Variants in IWS1 observed in about 807,000 individuals in gnomAD.
The protein encoded by IWS1 is interacts with SUPT6H, CTD assembly factor 1.
Under a neutral mutation model 86.7 loss-of-function variants are expected in IWS1, and 27 were observed. The observed-to-expected ratio is 0.31, with a 90% CI of 0.23 to 0.43. The LOEUF is 0.43. Ranked by LOEUF, IWS1 falls within the 20% of genes least tolerant of loss-of-function variation. The probability of loss-of-function intolerance (pLI) is 1.00; values close to 1 mark genes in which losing one functional copy is unlikely to be tolerated. For missense variants in IWS1, 827 were observed against 1,000.8 expected, an observed-to-expected ratio of 0.83 and a Z score of 2.34; for synonymous variants, 313 against 335.1, an observed-to-expected ratio of 0.93 and a Z score of 0.72.
At chr2:127,502,565 C>T (rs1173929417) in intron 5 of IWS1, 4 of 299,668 alleles carry the variant, frequency 1.3e-5, no homozygotes, top group Non-Finnish European at 2.5e-5. Flanking sequence ...TGCCCTTTAG[C>T]ATTATAAAGT....
chr2:127,504,580 T>A, intron 3 of IWS1, 104 bp downstream of exon 3: 1 of 832,356 alleles, frequency 1.2e-6, no homozygotes, highest in East Asian at 2.4e-5. Context: ...TTAAGCTGAA[T>A]AACAGAACAC....
chr2:127,497,890 G>T (rs1275703727), intron 6 of IWS1, among the ~76,000 whole-genome samples: 3 of 152,062 alleles, frequency 2.0e-5, no homozygotes, highest in African/African-American at 7.2e-5. Flanking sequence ...GAGTTTACTT[G>T]GTGAGCCATA....
At chr2:127,490,773 C>T (rs1296970623) in intron 10 of IWS1, 7 of 152,210 alleles carry the variant, frequency 4.6e-5, no homozygotes, top group Non-Finnish European at 1.0e-4. Flanking sequence ...TTGCAAACTA[C>T]TGCATAAAAG....
At chr2:127,486,517 G>C in intron 13 of IWS1, 36 bp downstream of exon 13, 1 of 1,385,724 alleles carries the variant, frequency 7.2e-7, no homozygotes, top group Middle Eastern at 1.8e-4. Flanking sequence ...GTAATCTGCA[G>C]GTGAGATCCA....
At chr2:127,521,877 T>C (rs1047296731) in intron 2 of IWS1, among the ~76,000 whole-genome samples, 11 of 152,220 alleles carry the variant, frequency 7.2e-5, no homozygotes, top group African/African-American at 2.7e-4. Context: ...AACTTGTAAC[T>C]GCACCATGAG....
intron 2 of IWS1, among the ~76,000 whole-genome samples, chr2:127,508,068 G>A (rs959080776): frequency 2.0e-5 from 3 of 152,164 alleles, no homozygotes; most frequent in Non-Finnish European, 4.4e-5. Context: ...TTTTGGATAA[G>A]GGATACTCAA....
intron 13 of IWS1, among the ~76,000 whole-genome samples, chr2:127,483,928 G>A (rs1689794331): frequency 6.6e-6 from 1 of 151,780 alleles, no homozygotes; most frequent in African/African-American, 2.4e-5. Flanking sequence ...CTAGGACCAT[G>A]AATAATGTTT....
chr2:127,486,448 A>C (rs1404690040), intron 13 of IWS1, 105 bp downstream of exon 13: 1 of 813,166 alleles, frequency 1.2e-6, no homozygotes, highest in Non-Finnish European at 2.1e-6. Context: ...GTCCTCTCTG[A>C]ATCAGACAAA....
rs371757852 is a variant in IWS1, at chr2:127,505,255, A to G, written c.648T>C (p.Leu216=). 2.3e-5 allele frequency: 37 copies of G among 1,613,634 alleles called. No individual in the cohort carries two copies. The Admixed American group carries it at 4.0e-4, about 17-fold the overall frequency. ...PRMSDSESEE[L]PKPQVSDSES... is the part of the protein sequence containing the mutation. ...CTGAATCACTGACCTGAGGTTTAGG[A>G]AGCTCCTCACTTTCAGAATCACTCA... Residue 216 remains leucine (L), a synonymous_variant, in exon 3 of 14, where the codon CTT becomes CTC. Transcript: ENST00000295321. This position sits in a 1 kb window ranked among gnomAD's most constrained non-coding sequence, Gnocchi z 5.0.
At position 127,483,571 on chromosome 2, in the gene IWS1, C is replaced by CGGGGGG. The variant is rs1419283644; in HGVS notation, c.2329-2397_2329-2396insCCCCCC. Among the ~76,000 whole-genome samples, 17 of 20,164 alleles carry CGGGGGG rather than the reference C, an allele frequency of 8.4e-4. 2 individuals carry two copies. Among genetic ancestry groups the CGGGGGG allele is most frequent in the African/African-American group, 2.5e-3 (10 of 4,036 alleles). The allele number at this position is 20,164 out of a possible 152,430, so 13.2% of individuals were successfully genotyped here. A position where few individuals can be genotyped will look rare whatever the true frequency, so the allele number is the denominator to read the frequency against. On this transcript the variant is annotated intron_variant, in intron 13 of 13. Transcript: ENST00000295321. ...AAAATAACCAAAATTATAATTTGGT[C>CGGGGGG]GGGGCGGGGGGTGGTGGGGTGGGGG...
intron 2 of IWS1, among the ~76,000 whole-genome samples, chr2:127,519,629 G>A (rs1056661519): frequency 6.6e-6 from 1 of 152,064 alleles, no homozygotes; most frequent in African/African-American, 2.4e-5. Flanking sequence ...ACCATCTTAT[G>A]GTAGCAAAAT....
At chr2:127,494,671 T>G in intron 8 of IWS1, 1 of 378,996 alleles carries the variant, frequency 2.6e-6, no homozygotes, top group Non-Finnish European at 4.7e-6. Flanking sequence ...AGTATCAATT[T>G]TTTATTTGTT....
chr2:127,526,491 C>T, upstream of IWS1: 2 of 1,513,500 alleles, frequency 1.3e-6, no homozygotes. Flanking sequence ...ATGGCGTCTG[C>T]CCACGACCCT....
chr2:127,502,922 C>T (rs1320713978), intron 4 of IWS1, 50 bp from the exon 5 acceptor site: 15 of 1,009,452 alleles, frequency 1.5e-5, no homozygotes, highest in Non-Finnish European at 2.0e-5. Flanking sequence ...TCCTCATTTG[C>T]ATAGGAACCA....
intron 1 of IWS1, 115 bp from the exon 2 acceptor site, chr2:127,523,906 A>G (rs532593973): frequency 2.6e-4 from 177 of 690,552 alleles, no homozygotes; most frequent in Non-Finnish European, 4.0e-4. Context: ...CTGAGGAAGC[A>G]TTAACTAAAG....
chr2:127,523,952 T>C (rs1190507047), intron 1 of IWS1, among the ~76,000 whole-genome samples, 161 bp from the exon 2 acceptor site: 1 of 152,220 alleles, frequency 6.6e-6, no homozygotes, highest in African/African-American at 2.4e-5. Context: ...ACAATACTCA[T>C]ACAAACACCA....
At chr2:127,481,802 T>G (rs1689644698) in intron 13 of IWS1, among the ~76,000 whole-genome samples, 1 of 152,100 alleles carries the variant, frequency 6.6e-6, no homozygotes, top group Non-Finnish European at 1.5e-5. Context: ...GAGATAGTGA[T>G]GTCAGATCCA....
chr2:127,498,304 C>T, intron 5 of IWS1, 67 bp from the exon 6 acceptor site: 1 of 1,496,224 alleles, frequency 6.7e-7, no homozygotes, highest in Non-Finnish European at 9.0e-7. Flanking sequence ...TAATATTTTG[C>T]ATTTTTAAAG....
intron 10 of IWS1, among the ~76,000 whole-genome samples, chr2:127,491,477 C>G (rs1320512286): frequency 1.3e-5 from 2 of 151,270 alleles, no homozygotes; most frequent in Non-Finnish European, 2.9e-5. Context: ...GAGTCTCGCT[C>G]TTGTTGCCCA....
Sources: allele counts gnomAD v4.1 joint callset (sites outside exome capture counted in the v4.1 genomes callset), GRCh38; gene constraint gnomAD v4.1.1; non-coding constraint Gnocchi (gnomAD v3.1); transcripts MANE v1.5; gene names NCBI Gene and HGNC (gene_info 2026-07-23, HGNC 2026-07-21).